CHST11: variants seen among roughly 807,000 people sequenced by gnomAD.
CHST11 encodes the protein carbohydrate sulfotransferase 11, also known as C4S-1.
A neutral mutation model predicts 30.4 loss-of-function variants in CHST11; 9 were observed. The observed-to-expected ratio is 0.30, with a 90% CI of 0.18 to 0.52. CHST11 has a LOEUF of 0.52. Ranked by LOEUF, CHST11 falls within the 20% of genes least tolerant of loss-of-function variation. The probability of loss-of-function intolerance (pLI) is 0.97; values close to 1 mark genes in which losing one functional copy is unlikely to be tolerated. For missense variants in CHST11, 348 were observed against 460.6 expected (o/e 0.76, Z 2.24); for synonymous variants, 152 against 187.8 (o/e 0.81, Z 1.56).
chr12:104,547,662 C>T (rs1258801738), intron 1 of CHST11, among the ~76,000 whole-genome samples: 1 of 152,084 alleles, frequency 6.6e-6, no homozygotes, highest in Middle Eastern at 3.2e-3. Flanking sequence ...TATCTGACAC[C>T]AGCACACTCT....
At chr12:104,553,121 T>C (rs77849421) in intron 1 of CHST11, 16,214 of 152,270 alleles carry the variant, frequency 0.11, 920 homozygotes, top group Non-Finnish European at 0.12. Flanking sequence ...ACCTTTCTTA[T>C]ACATCTGTTG....
intron 1 of CHST11, among the ~76,000 whole-genome samples, chr12:104,496,194 CTG>C (rs151316445): frequency 6.6e-6 from 1 of 151,558 alleles, no homozygotes; most frequent in Non-Finnish European, 1.5e-5. Flanking sequence ...TATTCCAAAT[CTG>C]TGTGTGTGTG....
At chr12:104,476,831 T>C (rs2037567550) in intron 1 of CHST11, among the ~76,000 whole-genome samples, 1 of 151,476 alleles carries the variant, frequency 6.6e-6, no homozygotes, top group African/African-American at 2.4e-5. Flanking sequence ...CATGCTTGCA[T>C]TGAGTTTTTG....
chr12:104,476,853 A>C (rs1252885707), intron 1 of CHST11, among the ~76,000 whole-genome samples: 1 of 151,192 alleles, frequency 6.6e-6, no homozygotes, highest in Non-Finnish European at 1.5e-5. Flanking sequence ...TCCATACTAG[A>C]TTATAGGCTT....
chr12:104,573,349 G>GA (rs1189894435), intron 1 of CHST11, among the ~76,000 whole-genome samples: 2 of 151,908 alleles, frequency 1.3e-5, no homozygotes, highest in Admixed American at 1.3e-4. Context: ...CACAGAATTG[G>GA]AAAAAACTAC....
intron 2 of CHST11, among the ~76,000 whole-genome samples, chr12:104,739,390 G>A (rs1052303392): frequency 1.5e-4 from 23 of 152,258 alleles, no homozygotes; most frequent in African/African-American, 5.5e-4. Flanking sequence ...GTATTCATCC[G>A]TGCACCAGGC....
chr12:104,531,478 AAAG>A (rs1322748287), intron 1 of CHST11, among the ~76,000 whole-genome samples: 1 of 123,194 alleles, frequency 8.1e-6, no homozygotes, highest in East Asian at 4.3e-4. Context: ...AAAAAAAAAA[AAAG>A]AGAGAGAGAG....
intron 1 of CHST11, among the ~76,000 whole-genome samples, chr12:104,581,153 G>A (rs1305830607): frequency 2.6e-5 from 4 of 152,114 alleles, no homozygotes; most frequent in African/African-American, 4.8e-5. Context: ...TCTGATAAAT[G>A]GATGCTTCTT....
chr12:104,578,503 A>G (rs570506410), intron 1 of CHST11, among the ~76,000 whole-genome samples: 1 of 152,256 alleles, frequency 6.6e-6, no homozygotes, highest in African/African-American at 2.4e-5. Flanking sequence ...GCATTTTCAG[A>G]ACCCCCTGCC....
intron 2 of CHST11, among the ~76,000 whole-genome samples, chr12:104,731,667 AT>A (rs1298335059): frequency 6.6e-6 from 1 of 152,130 alleles, no homozygotes; most frequent in African/African-American, 2.4e-5. Flanking sequence ...CCATCTGTAA[AT>A]TGGAGCTGAG....
At chr12:104,530,029 C>T (rs1001981632) in intron 1 of CHST11, among the ~76,000 whole-genome samples, 1 of 152,084 alleles carries the variant, frequency 6.6e-6, no homozygotes, top group Non-Finnish European at 1.5e-5. Flanking sequence ...CATGGTGGCA[C>T]AAGCCTGTAA....
intron 1 of CHST11, among the ~76,000 whole-genome samples, chr12:104,505,618 G>A (rs898479448): frequency 1.3e-5 from 2 of 152,186 alleles, no homozygotes; most frequent in Non-Finnish European, 2.9e-5. Flanking sequence ...CTAGCTGCTT[G>A]ATCTTGGACA....
chr12:104,695,608 C>G (rs542248793), intron 2 of CHST11, among the ~76,000 whole-genome samples: 3 of 152,190 alleles, frequency 2.0e-5, no homozygotes, highest in Non-Finnish European at 2.9e-5. Context: ...TTCTATCTTA[C>G]CTCAGAGCTA....
At chr12:104,674,714 T>G (rs1170338772) in intron 2 of CHST11, among the ~76,000 whole-genome samples, 3 of 143,912 alleles carry the variant, frequency 2.1e-5, no homozygotes, top group Non-Finnish European at 4.7e-5. Context: ...CGGATTAGAC[T>G]TTTTTTTTTC....
intron 2 of CHST11, among the ~76,000 whole-genome samples, chr12:104,715,223 A>C (rs190137448): frequency 1.1e-4 from 17 of 152,060 alleles, no homozygotes; most frequent in African/African-American, 3.9e-4. Flanking sequence ...AAAAGAAAAA[A>C]ATTAGCTGGA....
chr12:104,676,694 C>T lies in CHST11; in HGVS notation c.204+74703C>T, dbSNP rs1157673269. ...TTGGGATTACAGGCATGAGCCACTG[C>T]ACCCGGCCTCCCTGCCTCCTTTCCT... is the stretch of plus-strand genomic sequence containing the variant. On this transcript the variant is annotated intron_variant, in intron 2 of 2. Coordinates refer to ENST00000303694, the MANE Select transcript of CHST11 (RefSeq NM_018413.6). This position sits in a 1 kb window ranked among gnomAD's most constrained non-coding sequence, Gnocchi z 4.4. 5.3e-5 allele frequency among the ~76,000 whole-genome samples: 8 copies of T among 152,242 alleles called. No homozygotes were observed. Among genetic ancestry groups the T allele is most frequent in the Non-Finnish European group, 1.0e-4 (7 of 68,042 alleles).
intron 1 of CHST11, among the ~76,000 whole-genome samples, chr12:104,590,230 C>T (rs941504545): frequency 6.6e-6 from 1 of 152,108 alleles, no homozygotes; most frequent in Non-Finnish European, 1.5e-5. Context: ...GATCCAGCAT[C>T]CCCAGACTCT....
intron 2 of CHST11, among the ~76,000 whole-genome samples, chr12:104,732,865 G>A (rs1024559795): frequency 2.0e-4 from 30 of 152,252 alleles, no homozygotes; most frequent in African/African-American, 5.5e-4. Context: ...CAGTGACATC[G>A]GAATTGGAAG....
At chr12:104,500,013 T>G (rs2037837821) in intron 1 of CHST11, among the ~76,000 whole-genome samples, 1 of 151,712 alleles carries the variant, frequency 6.6e-6, no homozygotes, top group Non-Finnish European at 1.5e-5. Context: ...CAGGTGACCC[T>G]TAAGCTCCTT....
Sources: allele counts gnomAD v4.1 joint callset (sites outside exome capture counted in the v4.1 genomes callset), GRCh38; gene constraint gnomAD v4.1.1; non-coding constraint Gnocchi (gnomAD v3.1); transcripts MANE v1.5; gene names NCBI Gene and HGNC (gene_info 2026-07-23, HGNC 2026-07-21).